The following CDH13 variants were observed in gnomAD, a reference collection of about 807,000 sequenced individuals.
CDH13 encodes the protein cadherin-13.
Under a neutral mutation model 63.8 loss-of-function variants are expected in CDH13, and 24 were observed. The ratio of observed to expected loss-of-function variants is 0.38; its 90% CI spans 0.27 to 0.53. The LOEUF (loss-of-function observed/expected upper bound fraction) is 0.53. CDH13 is among the 20% of genes least tolerant of loss of function. The probability of loss-of-function intolerance (pLI) is 0.85; values close to 1 mark genes in which losing one functional copy is unlikely to be tolerated. For missense variants in CDH13, 1,049 were observed against 903.1 expected (o/e 1.16, Z -2.07); for synonymous variants, 503 against 355.3 (o/e 1.42, Z -4.67).
intron 4 of CDH13, among the ~76,000 whole-genome samples, chr16:83,152,825 C>T (rs2037043995): frequency 6.6e-6 from 1 of 152,074 alleles, no homozygotes; most frequent in Non-Finnish European, 1.5e-5. Flanking sequence ...TGGGGTTATA[C>T]TGAATGATAT....
chr16:83,519,732 G>A lies in CDH13; in HGVS notation c.960+33077G>A, dbSNP rs2074785070. On this transcript the variant is annotated intron_variant, in intron 7 of 13. Transcript: ENST00000567109. ...AGGATGCTCTAGGGCAATGGTGCGG[G>A]GAGAGGAAAGAAAGGTGCCTCAATA... Among the ~76,000 whole-genome samples, 4 of 152,152 alleles carry A rather than the reference G, an allele frequency of 2.6e-5. No individual in the cohort carries two copies. The South Asian group carries it at 8.3e-4, about 31-fold the overall frequency.
intron 1 of CDH13, among the ~76,000 whole-genome samples, chr16:82,710,016 C>G (rs1031441983): frequency 6.6e-6 from 1 of 151,542 alleles, no homozygotes; most frequent in African/African-American, 2.4e-5. Context: ...TTAGGATGGG[C>G]TGACAAAGAC....
At chr16:83,734,898 C>G (rs899747009) in intron 10 of CDH13, among the ~76,000 whole-genome samples, 3 of 151,218 alleles carry the variant, frequency 2.0e-5, no homozygotes, top group African/African-American at 4.9e-5. Flanking sequence ...TTGATTTTAT[C>G]TGGGAGACCT....
At chr16:83,257,008 T>C (rs147379845) in intron 5 of CDH13, among the ~76,000 whole-genome samples, 1 of 152,244 alleles carries the variant, frequency 6.6e-6, no homozygotes, top group East Asian at 1.9e-4. Flanking sequence ...CTCATTGCCC[T>C]TGGGATTTGT....
intron 3 of CDH13, among the ~76,000 whole-genome samples, chr16:83,033,479 G>A (rs1045829303): frequency 1.3e-5 from 2 of 152,076 alleles, no homozygotes; most frequent in Non-Finnish European, 2.9e-5. Context: ...GTATACGTAT[G>A]TACAGGCATA....
Position 83,243,413 on chromosome 16 carries a change from C to G in CDH13, c.636+25916C>G, listed in dbSNP as rs576422792. ...TATAAAAGCATCAGATCTCATGAGA[C>G]TTATTAACTATCATGAGAACAGCAC... On this transcript the variant is annotated intron_variant, in intron 5 of 13. Coordinates refer to ENST00000567109, the MANE Select transcript of CDH13 (RefSeq NM_001257.5). Among the ~76,000 whole-genome samples the G allele has an allele frequency of 1.4e-3, 219 of 152,230 alleles. 1 individual carries two copies. Among genetic ancestry groups the G allele is most frequent in the African/African-American group, 5.2e-3 (215 of 41,542 alleles).
At chr16:83,697,917 G>C (rs1002872691) in intron 10 of CDH13, among the ~76,000 whole-genome samples, 2 of 152,192 alleles carry the variant, frequency 1.3e-5, no homozygotes, top group Non-Finnish European at 2.9e-5. Context: ...CAAATTGCTG[G>C]GATTACAGGC....
chr16:83,538,381 G>C (rs1213479724), intron 7 of CDH13, among the ~76,000 whole-genome samples: 1 of 152,170 alleles, frequency 6.6e-6, no homozygotes, highest in Non-Finnish European at 1.5e-5. Flanking sequence ...TCAGAATCTT[G>C]AGAGTGAAAT....
chr16:83,341,163 C>G (rs185423579), intron 5 of CDH13, among the ~76,000 whole-genome samples: 1 of 152,344 alleles, frequency 6.6e-6, no homozygotes, highest in East Asian at 1.9e-4. Context: ...AACCCAAACA[C>G]AGCCACTTGA....
At chr16:83,137,564 C>G (rs916609479) in intron 4 of CDH13, among the ~76,000 whole-genome samples, 26 of 152,004 alleles carry the variant, frequency 1.7e-4, no homozygotes, top group Admixed American at 2.0e-4. Flanking sequence ...TCAGACAACG[C>G]TTTTTTTTGT....
intron 7 of CDH13, among the ~76,000 whole-genome samples, chr16:83,579,617 A>G (rs1905363119): frequency 6.6e-6 from 1 of 152,044 alleles, no homozygotes; most frequent in East Asian, 1.9e-4. Context: ...GGGGATTACA[A>G]TTCAGCATGA....
rs374817946 is a variant in CDH13, at chr16:83,411,993, A to T, written c.781+66987A>T. On this transcript the variant is annotated intron_variant, in intron 6 of 13. Coordinates refer to ENST00000567109, the MANE Select transcript of CDH13 (RefSeq NM_001257.5). ...TCTGCAGGGTGCCATTGTGCTACTG[A>T]CAGTGTGCTAAGTTTAGGTTCTCTG... Among the ~76,000 whole-genome samples, 7 of 152,296 alleles carry T rather than the reference A, an allele frequency of 4.6e-5. No homozygotes were observed. The South Asian group carries it at 1.2e-3, about 27-fold the overall frequency.
At chr16:83,232,651 T>C (rs1372591371) in intron 5 of CDH13, among the ~76,000 whole-genome samples, 3 of 152,070 alleles carry the variant, frequency 2.0e-5, no homozygotes, top group African/African-American at 7.2e-5. Flanking sequence ...TCCACCATGA[T>C]TGTAAGTTTC....
intron 4 of CDH13, among the ~76,000 whole-genome samples, chr16:83,126,587 G>A (rs574399436): frequency 3.9e-5 from 6 of 152,174 alleles, no homozygotes; most frequent in African/African-American, 4.8e-5. Flanking sequence ...TGGGACTAAT[G>A]GGAGAAGTTG....
intron 11 of CDH13, among the ~76,000 whole-genome samples, chr16:83,767,132 T>C (rs1914443680): frequency 6.6e-6 from 1 of 152,186 alleles, no homozygotes; most frequent in Admixed American, 6.5e-5. Context: ...TGGGACCCTC[T>C]TGGGAGAGGC....
chr16:82,878,424 T>A (rs2040579262), intron 2 of CDH13, among the ~76,000 whole-genome samples: 1 of 151,198 alleles, frequency 6.6e-6, no homozygotes, highest in African/African-American at 2.4e-5. Flanking sequence ...AGAGGAGACG[T>A]CAACTGGGAA....
intron 6 of CDH13, among the ~76,000 whole-genome samples, chr16:83,414,124 C>A (rs2092166749): frequency 6.6e-6 from 1 of 152,336 alleles, no homozygotes; most frequent in East Asian, 1.9e-4. Context: ...GAAGTACTCT[C>A]TGAAAAGGTA....
chr16:83,253,142 G>A (rs890744308), intron 5 of CDH13, among the ~76,000 whole-genome samples: 1 of 152,078 alleles, frequency 6.6e-6, no homozygotes, highest in Non-Finnish European at 1.5e-5. Context: ...CAAGGCAAAG[G>A]CTTCAAATCA....
intron 5 of CDH13, among the ~76,000 whole-genome samples, chr16:83,290,041 C>T (rs1386479760): frequency 1.3e-5 from 2 of 152,110 alleles, no homozygotes; most frequent in Non-Finnish European, 2.9e-5. Flanking sequence ...TTAGATTGGC[C>T]TGTTTGGGGA....
Sources: allele counts gnomAD v4.1 joint callset (sites outside exome capture counted in the v4.1 genomes callset), GRCh38; gene constraint gnomAD v4.1.1; transcripts MANE v1.5; gene names NCBI Gene and HGNC (gene_info 2026-07-23, HGNC 2026-07-21).